The following ZZEF1 variants were observed in gnomAD, a reference collection of about 807,000 sequenced individuals.
ZZEF1 encodes zinc finger ZZ-type and EF-hand domain-containing protein 1.
Under a neutral mutation model 342.8 loss-of-function variants are expected in ZZEF1, and 157 were observed. The observed-to-expected ratio is 0.46, with a 90% CI of 0.40 to 0.52. The LOEUF (loss-of-function observed/expected upper bound fraction) is 0.52. Ranked by LOEUF, ZZEF1 falls within the 20% of genes least tolerant of loss-of-function variation. The pLI is 0.00. For synonymous variants in ZZEF1, 1,505 were observed against 1,429.1 expected (o/e 1.05, Z -1.20); for missense variants, 3,480 against 3,725.6 (o/e 0.93, Z 1.72).
intron 1 of ZZEF1, 96 bp downstream of exon 1, chr17:4,142,446 C>G: frequency 7.5e-7 from 1 of 1,325,666 alleles, no homozygotes; most frequent in Admixed American, 2.6e-5. Context: ...ATATGGGTCC[C>G]CGCCTGGCCT....
At chr17:4,115,815 CTTA>C (rs2058384854) in intron 3 of ZZEF1, among the ~76,000 whole-genome samples, 1 of 152,030 alleles carries the variant, frequency 6.6e-6, no homozygotes, top group South Asian at 2.1e-4. Context: ...TTTGACTCTG[CTTA>C]TATTTTTTTT....
chr17:4,132,108 A>G (rs2058669971), intron 1 of ZZEF1, among the ~76,000 whole-genome samples: 1 of 152,244 alleles, frequency 6.6e-6, no homozygotes, highest in South Asian at 2.1e-4. Flanking sequence ...ACATTGGGAC[A>G]GGACAGCAGG....
Position 4,063,567 on chromosome 17 carries a change from CT to C in ZZEF1, c.4719-651del, listed in dbSNP as rs964247187. Among the ~76,000 whole-genome samples, 5 of 151,956 alleles carry C rather than the reference CT, an allele frequency of 3.3e-5. 1 individual carries two copies. In the South Asian group the frequency reaches 8.3e-4, roughly 25 times the overall value. On this transcript the variant is annotated intron_variant, in intron 29 of 54. Transcript: ENST00000381638. Reference sequence around the variant, plus strand: ...ATATAAATCTTACATGAAAAAATATCTTTTTTTTGTTTTTCAGACAGTCTTG... The same window carrying C: ...ATATAAATCTTACATGAAAAAATATCTTTTTTTGTTTTTCAGACAGTCTTG...
chr17:4,071,795 G>C (rs895260634), intron 25 of ZZEF1, among the ~76,000 whole-genome samples: 1 of 152,184 alleles, frequency 6.6e-6, no homozygotes, highest in African/African-American at 2.4e-5. Context: ...CTCACAGGAA[G>C]ATGGAAACAG....
At chr17:4,087,783 A>AACACACACACACACACACACACAC (rs10522603) in intron 13 of ZZEF1, among the ~76,000 whole-genome samples, 11 of 145,990 alleles carry the variant, frequency 7.5e-5, no homozygotes, top group African/African-American at 2.1e-4. Flanking sequence ...ATATACACAC[A>AACACACACACACACACACACACAC]ACACACACAC....
chr17:4,104,625 A>G lies in ZZEF1; in HGVS notation c.1573+8T>C. 6.2e-7 allele frequency: 1 copy of G among 1,613,152 alleles called. No individual in the cohort carries two copies. ...ATTTCTATCACCCCCATGTTTTACC[A>G]TATTTACCATATTTGAGGAGCAGGT... On this transcript the variant is annotated splice_region_variant and intron_variant, in intron 8 of 54. Transcript: ENST00000381638.
At chr17:4,024,839 G>A in intron 43 of ZZEF1, 80 bp downstream of exon 43, 1 of 1,347,704 alleles carries the variant, frequency 7.4e-7, no homozygotes, top group Non-Finnish European at 1.1e-6. Context: ...GAAATCAGAT[G>A]GCATTTCCTC....
chr17:4,086,257 A>G (rs1485772875), intron 15 of ZZEF1, among the ~76,000 whole-genome samples: 1 of 151,844 alleles, frequency 6.6e-6, no homozygotes, highest in Non-Finnish European at 1.5e-5. Context: ...TCAAAAGAGC[A>G]TCAGGGGAAA....
chr17:4,026,414 C>T (rs2056404322), intron 42 of ZZEF1, among the ~76,000 whole-genome samples: 1 of 151,810 alleles, frequency 6.6e-6, no homozygotes, highest in Non-Finnish European at 1.5e-5. Flanking sequence ...AAAAATATAG[C>T]CAGAGGAAAA....
At chr17:4,062,630 TA>T in intron 30 of ZZEF1, 122 bp downstream of exon 30, 1 of 1,155,148 alleles carries the variant, frequency 8.7e-7, no homozygotes, top group South Asian at 1.8e-5. Flanking sequence ...GAGAATGAAT[TA>T]ACCAAAAACG....
Position 4,005,307 on chromosome 17 carries a change from GC to G in ZZEF1, c.*1582del, listed in dbSNP as rs2055779068. On this transcript the variant is annotated 3_prime_UTR_variant, in exon 55 of 55. Coordinates refer to ENST00000381638, the MANE Select transcript of ZZEF1 (RefSeq NM_015113.4). Reference sequence around the variant, plus strand: ...AAGATGGGAAAAGGGTTTCTACGGAGCCAGCAGCACCTGCCTATTCAGGTCC... The same window carrying G: ...AAGATGGGAAAAGGGTTTCTACGGAGCAGCAGCACCTGCCTATTCAGGTCC... 1 of 152,526 alleles carries G rather than the reference GC, an allele frequency of 6.6e-6. No homozygotes were observed. Among genetic ancestry groups the G allele is most frequent in the Non-Finnish European group, 1.5e-5 (1 of 68,282 alleles). 9.4% of individuals were successfully genotyped at this position (152,526 alleles called of 1,614,324 possible).
Position 4,064,594 on chromosome 17 carries a change from T to C in ZZEF1, c.4485A>G (p.Pro1495=). Residue 1495 remains proline, a synonymous_variant, in exon 29 of 55, where the codon CCA becomes CCG. Coordinates refer to ENST00000381638, the MANE Select transcript of ZZEF1 (RefSeq NM_015113.4). ...GDQSPGLGTQ[P]KLPSSSGLPA... ...GAAGGCCACTGCTGGATGGCAGCTT[T>C]GGCTGGGTGCCCAGGCCAGGACTCT... is the stretch of plus-strand genomic sequence containing the variant. 1 of 1,614,146 alleles carries C rather than the reference T, an allele frequency of 6.2e-7. No individual in the cohort carries two copies.
intron 37 of ZZEF1, among the ~76,000 whole-genome samples, chr17:4,049,009 G>C (rs2056988526): frequency 6.6e-6 from 1 of 151,862 alleles, no homozygotes; most frequent in Non-Finnish European, 1.5e-5. Flanking sequence ...ACTGTGCCTG[G>C]CCAATTAATT....
chr17:4,065,787 AT>A (rs2057380404), intron 28 of ZZEF1, among the ~76,000 whole-genome samples: 1 of 152,220 alleles, frequency 6.6e-6, no homozygotes, highest in African/African-American at 2.4e-5. Flanking sequence ...TATTTAAAAA[AT>A]AATAGTAATT....
chr17:4,124,091 A>G (rs377169722), intron 1 of ZZEF1, 40 bp from the exon 2 acceptor site: 1 of 1,568,924 alleles, frequency 6.4e-7, no homozygotes, highest in Non-Finnish European at 8.6e-7. Flanking sequence ...GGCTGTTTCA[A>G]GTAAACGAGG....
intron 10 of ZZEF1, 107 bp downstream of exon 10, chr17:4,096,502 T>C (rs1374900848): frequency 2.2e-6 from 2 of 890,150 alleles, no homozygotes; most frequent in African/African-American, 3.3e-5. Context: ...TGCATGCCTG[T>C]ATCAAAACAC....
At position 4,032,897 on chromosome 17, in the gene ZZEF1, G is replaced by A; in HGVS notation, c.6690C>T (p.Ile2230=). ...DVIATFTDHC[I]KQLPFQLKHT... Reference sequence around the variant, plus strand: ...GCTTCAGCTGGAATGGCAGCTGCTTGATGCAGTGGTCTGTGAAGGTGGCAA... The same window carrying A: ...GCTTCAGCTGGAATGGCAGCTGCTTAATGCAGTGGTCTGTGAAGGTGGCAA... The change falls in exon 41 of 55, where the codon ATC becomes ATT. Residue 2230 remains isoleucine (I), a synonymous_variant. Transcript: ENST00000381638. 2 of 1,614,104 alleles carry A rather than the reference G, an allele frequency of 1.2e-6. No individual in the cohort carries two copies. The highest frequency in any genetic ancestry group is 1.7e-6 in the Non-Finnish European group (2 of 1,179,982).
chr17:4,116,361 C>T (rs1231267463), intron 3 of ZZEF1, among the ~76,000 whole-genome samples: 1 of 152,216 alleles, frequency 6.6e-6, no homozygotes, highest in African/African-American at 2.4e-5. Context: ...TAACTAGGTG[C>T]CCTAACTCCA....
rs145550159 is a variant in ZZEF1, at chr17:4,112,760, C to T, written c.915G>A (p.Val305=). 6.2e-5 allele frequency: 100 copies of T among 1,610,152 alleles called. No individual in the cohort carries two copies. The African/African-American group carries it at 1.1e-3, about 17-fold the overall frequency. Residue 305 remains valine (V), a synonymous_variant, in exon 5 of 55, where the codon GTG becomes GTA. Transcript: ENST00000381638. ...DVVLRHLSIA[V]AATDQSYMPQ... is the part of the protein sequence containing the mutation. Reference sequence around the variant, plus strand: ...GCATGTAGCTCTGGTCAGTGGCAGCCACTGCAATGGACAGGTGCCTAAGCA... The same window carrying T: ...GCATGTAGCTCTGGTCAGTGGCAGCTACTGCAATGGACAGGTGCCTAAGCA...
Sources: allele counts gnomAD v4.1 joint callset (sites outside exome capture counted in the v4.1 genomes callset), GRCh38; gene constraint gnomAD v4.1.1; transcripts MANE v1.5; gene names NCBI Gene and HGNC (gene_info 2026-07-23, HGNC 2026-07-21).